Variants in SNX25 observed in about 807,000 individuals in gnomAD.
The protein encoded by SNX25 is sorting nexin-25.
Under a neutral mutation model 113.7 loss-of-function variants are expected in SNX25, and 62 were observed. The ratio of observed to expected loss-of-function variants is 0.55; its 90% CI spans 0.44 to 0.67. The LOEUF is 0.67. SNX25 is among the 30% of genes least tolerant of loss of function. The pLI, the probability that SNX25 is intolerant of heterozygous loss-of-function variation, is 0.00. For missense variants in SNX25, 1,014 were observed against 1,161.0 expected, an observed-to-expected ratio of 0.87 and a Z score of 1.84; for synonymous variants, 421 against 436.2, an observed-to-expected ratio of 0.97 and a Z score of 0.43.
intron 5 of SNX25, among the ~76,000 whole-genome samples, chr4:185,287,614 T>C (rs891915414): frequency 6.6e-6 from 1 of 152,232 alleles, no homozygotes; most frequent in African/African-American, 2.4e-5. Context: ...CGTTTATTAA[T>C]TTAATTGGAT....
chr4:185,220,806 C>T (rs1739711442), intron 1 of SNX25, among the ~76,000 whole-genome samples: 1 of 152,042 alleles, frequency 6.6e-6, no homozygotes, highest in Non-Finnish European at 1.5e-5. Flanking sequence ...GACATCTTCT[C>T]CTTATACCCC....
chr4:185,281,734 A>G (rs890890554), intron 5 of SNX25, among the ~76,000 whole-genome samples: 14 of 152,294 alleles, frequency 9.2e-5, no homozygotes, highest in African/African-American at 2.6e-4. Context: ...AAATTCTTTA[A>G]GCTGGGTGCG....
chr4:185,217,939 C>T (rs1434963131), intron 1 of SNX25, among the ~76,000 whole-genome samples: 1 of 152,170 alleles, frequency 6.6e-6, no homozygotes, highest in African/African-American at 2.4e-5. Context: ...TTTTATCCTT[C>T]ACTGCTGTAG....
At chr4:185,376,109 G>A in the SNX25 span, among the ~76,000 whole-genome samples, 1 of 152,112 alleles carries the variant, frequency 6.6e-6, no homozygotes, top group Non-Finnish European at 1.5e-5. Flanking sequence ...TGAAGTTGAG[G>A]GGACAGCTGG....
chr4:185,271,500 C>G (rs1165104649), intron 5 of SNX25, among the ~76,000 whole-genome samples: 1 of 152,170 alleles, frequency 6.6e-6, no homozygotes, highest in East Asian at 1.9e-4. Flanking sequence ...CCACTCGCCT[C>G]GGTCTCTCAA....
chr4:185,224,375 A>G (rs1474610986), intron 1 of SNX25, among the ~76,000 whole-genome samples: 2 of 146,250 alleles, frequency 1.4e-5, no homozygotes, highest in African/African-American at 2.5e-5. Context: ...ATAAAAATAT[A>G]TAGATATAAA....
intron 1 of SNX25, among the ~76,000 whole-genome samples, chr4:185,228,614 C>T (rs1245233852): frequency 6.6e-6 from 1 of 152,114 alleles, no homozygotes; most frequent in Non-Finnish European, 1.5e-5. Context: ...TGGCTCATTG[C>T]AGCCTTTACC....
intron 4 of SNX25, 87 bp from the exon 5 acceptor site, chr4:185,266,882 C>T: frequency 7.4e-7 from 1 of 1,342,672 alleles, no homozygotes; most frequent in Non-Finnish European, 1.0e-6. Context: ...AAATGTTTCC[C>T]AAATGTAGTC....
chr4:185,212,527 C>G (rs1306244359), intron 1 of SNX25, among the ~76,000 whole-genome samples: 1 of 122,562 alleles, frequency 8.2e-6, no homozygotes, highest in Admixed American at 1.0e-4. Context: ...AGGGTCTGCT[C>G]TGTCGTGCAA....
intron 7 of SNX25, 88 bp from the exon 8 acceptor site, chr4:185,320,645 A>G (rs2095112814): frequency 1.4e-5 from 14 of 985,984 alleles, no homozygotes; most frequent in Non-Finnish European, 1.4e-6. Flanking sequence ...TTTTTACCCT[A>G]AATGTAGAAA....
At chr4:185,276,070 GA>G (rs201271384) in intron 5 of SNX25, among the ~76,000 whole-genome samples, 1,884 of 152,216 alleles carry the variant, frequency 0.012, 18 homozygotes, top group Non-Finnish European at 0.018. Flanking sequence ...CATTTAGCAA[GA>G]AGGATAATTA....
At position 185,248,746 on chromosome 4, in the gene SNX25, A is replaced by G. The variant is rs571364010; in HGVS notation, c.514+1368A>G. ...CAAATCTTAATTATACAATTCAGTA[A>G]TTTTCATAAATGTGCATAACTGTAT... On this transcript the variant is annotated intron_variant, in intron 2 of 18. Transcript: ENST00000652585. Among the ~76,000 whole-genome samples the G allele has an allele frequency of 2.0e-5, 3 of 152,352 alleles. No individual in the cohort carries two copies. In the East Asian group the frequency reaches 5.8e-4, roughly 29 times the overall value.
At position 185,278,406 on chromosome 4, in the gene SNX25, A is replaced by T. The variant is rs117019901; in HGVS notation, c.1092-9606A>T. 8.7e-4 allele frequency among the ~76,000 whole-genome samples: 132 copies of T among 152,366 alleles called. No homozygotes were observed. In the East Asian group the frequency reaches 0.024, roughly 27 times the overall value. On this transcript the variant is annotated intron_variant, in intron 5 of 18. Transcript: ENST00000652585. ...GAAGCTGCATGACCTTGGGAAAGTC[A>T]TTTAAACTTCGAGCCTCAGTTTTAA...
chr4:185,223,308 T>G (rs1199828194), intron 1 of SNX25, among the ~76,000 whole-genome samples: 3 of 152,226 alleles, frequency 2.0e-5, no homozygotes, highest in Admixed American at 1.3e-4. Flanking sequence ...TTTATTTTCT[T>G]CAGCTTATCT....
At chr4:185,300,972 C>T (rs11935180) in intron 6 of SNX25, among the ~76,000 whole-genome samples, 205 of 152,170 alleles carry the variant, frequency 1.3e-3, no homozygotes, top group African/African-American at 4.6e-3. Flanking sequence ...AAGCAGACCT[C>T]AGGAAACAGA....
intron 2 of SNX25, among the ~76,000 whole-genome samples, chr4:185,256,053 A>G (rs1009005047): frequency 6.6e-6 from 1 of 152,148 alleles, no homozygotes; most frequent in Non-Finnish European, 1.5e-5. Flanking sequence ...CGTGACTGAG[A>G]GTTTCATGTG....
At chr4:185,375,375 G>C in the SNX25 span, among the ~76,000 whole-genome samples, 1,909 of 137,992 alleles carry the variant, frequency 0.014, 39 homozygotes, top group African/African-American at 0.049. Flanking sequence ...AGAATCACTC[G>C]AACCCGGGAA....
At chr4:185,322,411 G>A (rs1412592871) in intron 8 of SNX25, among the ~76,000 whole-genome samples, 2 of 152,086 alleles carry the variant, frequency 1.3e-5, no homozygotes, top group East Asian at 3.8e-4. Flanking sequence ...CAGCCTGGGC[G>A]ACAGCAAGAT....
At chr4:185,360,408 T>C (rs1393442260) in intron 16 of SNX25, among the ~76,000 whole-genome samples, 1 of 152,250 alleles carries the variant, frequency 6.6e-6, no homozygotes, top group Admixed American at 6.5e-5. Flanking sequence ...ATGTTATTTC[T>C]GAAACCTTGT....
Sources: gnomAD v4.1 joint callset for allele counts (sites outside exome capture counted in the v4.1 genomes callset) on GRCh38, gnomAD v4.1.1 for gene constraint, MANE v1.5 for transcripts, NCBI Gene and HGNC (gene_info 2026-07-23, HGNC 2026-07-21) for gene names.